HIVEP3: variants seen among roughly 807,000 people sequenced by gnomAD.
The protein encoded by HIVEP3 is transcription factor HIVEP3.
In HIVEP3, 49 loss-of-function variants were observed where a neutral mutation model predicts 152.8. The observed-to-expected ratio is 0.32, with a 90% CI of 0.26 to 0.41. The LOEUF is 0.41. HIVEP3 is among the 10% of genes least tolerant of loss of function. The pLI is 1.00. For missense variants in HIVEP3, 2,790 were observed against 3,103.3 expected (o/e 0.90, Z 2.40); for synonymous variants, 1,269 against 1,289.0 (o/e 0.98, Z 0.33).
chr1:41,945,675 G>C (rs1055784791), intron 1 of HIVEP3, among the ~76,000 whole-genome samples: 1 of 152,134 alleles, frequency 6.6e-6, no homozygotes, highest in Non-Finnish European at 1.5e-5. Context: ...CATGGAGATT[G>C]GTGCCGCAGA....
intron 5 of HIVEP3, among the ~76,000 whole-genome samples, chr1:41,553,408 T>C (rs966010109): frequency 2.0e-5 from 3 of 152,170 alleles, no homozygotes; most frequent in African/African-American, 7.2e-5. Context: ...CACATGAGAT[T>C]GGTCTCCTGA....
chr1:41,652,650 T>A (rs1244784482), intron 2 of HIVEP3, among the ~76,000 whole-genome samples: 2 of 152,108 alleles, frequency 1.3e-5, no homozygotes, highest in Non-Finnish European at 2.9e-5. Context: ...GAAATCATCA[T>A]CAAATCAGAG....
chr1:41,523,661 C>G (rs569570430), intron 6 of HIVEP3, among the ~76,000 whole-genome samples: 1 of 152,290 alleles, frequency 6.6e-6, no homozygotes, highest in South Asian at 2.1e-4. Context: ...CCCTCCAGAG[C>G]AGCTGCCCAG....
intron 2 of HIVEP3, among the ~76,000 whole-genome samples, chr1:41,699,649 C>A (rs551083821): frequency 1.3e-5 from 2 of 152,186 alleles, no homozygotes; most frequent in African/African-American, 4.8e-5. Flanking sequence ...CAGGATGGGG[C>A]CCCGGGGACC....
chr1:42,000,791 T>C (rs1645422720), intron 1 of HIVEP3, among the ~76,000 whole-genome samples: 3 of 152,188 alleles, frequency 2.0e-5, no homozygotes, highest in African/African-American at 7.2e-5. Flanking sequence ...AATTTTAAAA[T>C]AGAGAAGCAG....
At chr1:41,637,451 C>G (rs750652850) in intron 2 of HIVEP3, among the ~76,000 whole-genome samples, 18 of 152,212 alleles carry the variant, frequency 1.2e-4, no homozygotes, top group East Asian at 7.7e-4. Context: ...TCCCTGCCCC[C>G]CTCCCTCAAC....
At chr1:41,843,442 G>A (rs947302182) in intron 1 of HIVEP3, among the ~76,000 whole-genome samples, 2 of 152,128 alleles carry the variant, frequency 1.3e-5, no homozygotes, top group South Asian at 2.1e-4. Context: ...AGATGCATGG[G>A]CATCAGTATT....
chr1:41,871,420 AC>A (rs1428712937), intron 1 of HIVEP3, among the ~76,000 whole-genome samples: 214 of 140,454 alleles, frequency 1.5e-3, no homozygotes, highest in South Asian at 3.4e-3. Flanking sequence ...AAAAAAAAAA[AC>A]CCCTGCATAT....
At chr1:41,577,278 C>T (rs1644340657) in intron 4 of HIVEP3, among the ~76,000 whole-genome samples, 1 of 152,224 alleles carries the variant, frequency 6.6e-6, no homozygotes, top group South Asian at 2.1e-4. Flanking sequence ...GCACACTCCG[C>T]ATGTCTTAAC....
chr1:41,953,006 T>TC (rs1389281381), intron 1 of HIVEP3, among the ~76,000 whole-genome samples: 1 of 152,120 alleles, frequency 6.6e-6, no homozygotes, highest in Non-Finnish European at 1.5e-5. Flanking sequence ...TCTGGTGTCT[T>TC]CTCTAGTCCC....
intron 1 of HIVEP3, among the ~76,000 whole-genome samples, chr1:41,817,345 G>C (rs1181695946): frequency 2.0e-5 from 3 of 152,156 alleles, no homozygotes; most frequent in African/African-American, 7.2e-5. Context: ...GAGGAGGATG[G>C]ATCAAAGGAG....
At chr1:41,619,623 G>A (rs969678503) in intron 3 of HIVEP3, among the ~76,000 whole-genome samples, 2 of 152,180 alleles carry the variant, frequency 1.3e-5, no homozygotes, top group African/African-American at 2.4e-5. Flanking sequence ...TGGTGATGGT[G>A]GCTGGGGTGT....
At chr1:41,772,119 C>T (rs1648413225) in intron 1 of HIVEP3, among the ~76,000 whole-genome samples, 1 of 152,186 alleles carries the variant, frequency 6.6e-6, no homozygotes, top group Non-Finnish European at 1.5e-5. Context: ...CTAGTGGTCA[C>T]TCTTACCAGA....
chr1:41,625,210 G>T (rs1645101136), intron 3 of HIVEP3, among the ~76,000 whole-genome samples: 1 of 130,638 alleles, frequency 7.7e-6, no homozygotes, highest in African/African-American at 3.1e-5. Context: ...TTAATACTTT[G>T]CAGTCAAGCC....
intron 1 of HIVEP3, among the ~76,000 whole-genome samples, chr1:41,888,037 C>CTTTT (rs759423194): frequency 3.3e-5 from 4 of 121,302 alleles, no homozygotes; most frequent in Admixed American, 8.4e-5. Context: ...CCCAGCTGAA[C>CTTTT]TTTTTTTTTT....
chr1:42,022,470 T>C (rs915329383), intron 1 of HIVEP3, among the ~76,000 whole-genome samples: 2 of 152,218 alleles, frequency 1.3e-5, no homozygotes, highest in African/African-American at 4.8e-5. Context: ...CTCTGTCCTA[T>C]GTATGGCTAT....
chr1:41,545,608 TCAC>T (rs1643764848), intron 5 of HIVEP3, among the ~76,000 whole-genome samples: 2 of 22,512 alleles, frequency 8.9e-5, no homozygotes, highest in African/African-American at 1.9e-4. Context: ...ACCACCACCA[TCAC>T]CACCACTACC....
At chr1:41,958,724 T>G (rs887387287) in intron 1 of HIVEP3, among the ~76,000 whole-genome samples, 4 of 152,212 alleles carry the variant, frequency 2.6e-5, no homozygotes, top group African/African-American at 9.6e-5. Flanking sequence ...TGCCTCCCAA[T>G]GGGCAAAGCT....
In HIVEP3 at chr1:41,916,186, C is replaced by T. The variant is rs149612208; in HGVS notation, c.-801+2227G>A. Reference sequence around the variant, plus strand: ...TCTCAACAGCTCACTTGGCAAGGACCCAAAGGCAGCACACACTTCTCCACT... The same window carrying T: ...TCTCAACAGCTCACTTGGCAAGGACTCAAAGGCAGCACACACTTCTCCACT... On this transcript the variant is annotated intron_variant, in intron 1 of 8. Transcript: ENST00000372583. Among the ~76,000 whole-genome samples the T allele has an allele frequency of 6.2e-4, 95 of 152,256 alleles. 1 individual carries two copies. The highest frequency in any genetic ancestry group is 6.8e-3 in the Middle Eastern group (2 of 294).
Sources: allele counts gnomAD v4.1 joint callset (sites outside exome capture counted in the v4.1 genomes callset), GRCh38; gene constraint gnomAD v4.1.1; transcripts MANE v1.5; gene names NCBI Gene and HGNC (gene_info 2026-07-23, HGNC 2026-07-21).